NKAIN2: variants seen among roughly 807,000 people sequenced by gnomAD.
NKAIN2 encodes sodium/potassium-transporting ATPase subunit beta-1-interacting protein 2.
Under a neutral mutation model 32.6 loss-of-function variants are expected in NKAIN2, and 14 were observed. That is an observed-to-expected ratio of 0.43 (90% CI 0.28 to 0.67). The LOEUF is 0.67. Among genes scored for constraint, NKAIN2 ranks in the 30% least tolerant of loss-of-function variants. The probability of loss-of-function intolerance (pLI) is 0.17; values close to 1 mark genes in which losing one functional copy is unlikely to be tolerated. For missense variants in NKAIN2, 198 were observed against 258.3 expected, an observed-to-expected ratio of 0.77 and a Z score of 1.60; for synonymous variants, 80 against 87.2, an observed-to-expected ratio of 0.92 and a Z score of 0.46.
At chr6:123,959,925 ATGTGTGTGTGTGTGTGTGTGTGTG>A (rs6149793) in intron 1 of NKAIN2, among the ~76,000 whole-genome samples, 1 of 141,270 alleles carries the variant, frequency 7.1e-6, no homozygotes, top group Non-Finnish European at 1.5e-5. Flanking sequence ...TCTTCCATAT[ATGTGTGTGTGTGTGTGTGTGTGTG>A]TGTGTGTGTG....
At chr6:123,860,533 C>T (rs2114976769) in intron 1 of NKAIN2, among the ~76,000 whole-genome samples, 1 of 152,174 alleles carries the variant, frequency 6.6e-6, no homozygotes, top group East Asian at 1.9e-4. Flanking sequence ...ACCTCAGCCT[C>T]CTGAGTAGCT....
intron 3 of NKAIN2, among the ~76,000 whole-genome samples, chr6:124,608,291 T>C (rs1782569205): frequency 6.6e-6 from 1 of 152,196 alleles, no homozygotes; most frequent in South Asian, 2.1e-4. Context: ...TGACTCCCTC[T>C]GCCTCCAGCA....
At chr6:124,475,827 T>C (rs999993037) in intron 3 of NKAIN2, among the ~76,000 whole-genome samples, 2 of 152,124 alleles carry the variant, frequency 1.3e-5, no homozygotes, top group African/African-American at 4.8e-5. Flanking sequence ...TGAAGATTTT[T>C]GTGAGAGAAC....
chr6:124,139,419 A>C (rs529123472), intron 1 of NKAIN2, among the ~76,000 whole-genome samples: 1 of 152,328 alleles, frequency 6.6e-6, no homozygotes, highest in East Asian at 1.9e-4. Flanking sequence ...GTAAGATAAA[A>C]TAAAATTGGA....
At chr6:124,147,952 C>T (rs1787503792) in intron 1 of NKAIN2, among the ~76,000 whole-genome samples, 1 of 152,048 alleles carries the variant, frequency 6.6e-6, no homozygotes, top group South Asian at 2.1e-4. Flanking sequence ...AGTCCTCATC[C>T]CTGGTCATGG....
At chr6:124,217,703 G>T (rs942387698) in intron 1 of NKAIN2, among the ~76,000 whole-genome samples, 2 of 152,028 alleles carry the variant, frequency 1.3e-5, no homozygotes, top group South Asian at 4.2e-4. Context: ...ACTGAATTTA[G>T]TCTTCCATTT....
rs2325852 is a variant in NKAIN2, at chr6:124,590,920, G to T, written c.274-67266G>T. On this transcript the variant is annotated intron_variant, in intron 3 of 6. Coordinates refer to ENST00000368417, the MANE Select transcript of NKAIN2 (RefSeq NM_001040214.3). ...AGTGGATCAACGGGAAATAAGTAGA[G>T]AATACAATCACTCAAGGGGTACATG... 9.5e-3 allele frequency among the ~76,000 whole-genome samples: 1,447 copies of T among 152,280 alleles called. 12 individuals carry two copies. Among genetic ancestry groups the T allele is most frequent in the Middle Eastern group, 0.017 (5 of 294 alleles).
chr6:124,349,045 T>A (rs1798589189), intron 2 of NKAIN2, among the ~76,000 whole-genome samples: 1 of 151,962 alleles, frequency 6.6e-6, no homozygotes, highest in African/African-American at 2.4e-5. Context: ...TCCTTAGGAG[T>A]GATTCTAACG....
chr6:124,483,236 A>T (rs905820901), intron 3 of NKAIN2, among the ~76,000 whole-genome samples: 1 of 152,204 alleles, frequency 6.6e-6, no homozygotes, highest in Non-Finnish European at 1.5e-5. Flanking sequence ...AGTTCCGATG[A>T]TCATATGACT....
chr6:124,256,505 TAAAGAA>T (rs1793938027), intron 1 of NKAIN2, among the ~76,000 whole-genome samples: 1 of 152,118 alleles, frequency 6.6e-6, no homozygotes, highest in Non-Finnish European at 1.5e-5. Flanking sequence ...TTACCAGAAA[TAAAGAA>T]AAAGAAAACA....
chr6:123,896,026 G>A (rs542316068), intron 1 of NKAIN2, among the ~76,000 whole-genome samples: 209 of 152,210 alleles, frequency 1.4e-3, no homozygotes, highest in Non-Finnish European at 2.7e-3. Context: ...GGTTCATTTC[G>A]CCTGATGTTC....
intron 1 of NKAIN2, among the ~76,000 whole-genome samples, chr6:124,006,298 T>C (rs1223916933): frequency 6.6e-6 from 1 of 152,188 alleles, no homozygotes; most frequent in African/African-American, 2.4e-5. Context: ...AAACTGAGAT[T>C]GAGGTCCCAG....
intron 1 of NKAIN2, among the ~76,000 whole-genome samples, chr6:124,274,656 C>A (rs1014032924): frequency 1.3e-5 from 2 of 152,014 alleles, no homozygotes; most frequent in African/African-American, 4.8e-5. Flanking sequence ...GGTAGATAAT[C>A]CTTGTAAACG....
At chr6:124,414,194 A>G (rs1774355771) in intron 3 of NKAIN2, among the ~76,000 whole-genome samples, 1 of 152,090 alleles carries the variant, frequency 6.6e-6, no homozygotes, top group East Asian at 1.9e-4. Context: ...TATTACATTG[A>G]AGAAGTTTCC....
chr6:124,039,867 T>C (rs1781786295), intron 1 of NKAIN2, among the ~76,000 whole-genome samples: 1 of 152,004 alleles, frequency 6.6e-6, no homozygotes, highest in African/African-American at 2.4e-5. Context: ...AAAATAACTG[T>C]AATAATTAAT....
At chr6:123,842,509 G>A (rs1269067162) in intron 1 of NKAIN2, among the ~76,000 whole-genome samples, 1 of 152,048 alleles carries the variant, frequency 6.6e-6, no homozygotes, top group South Asian at 2.1e-4. Context: ...CTTGTTGGGG[G>A]TTAGGACTTC....
intron 1 of NKAIN2, among the ~76,000 whole-genome samples, chr6:123,836,404 G>T (rs962748818): frequency 2.2e-4 from 33 of 152,204 alleles, no homozygotes; most frequent in African/African-American, 7.9e-4. Context: ...GATATGATGT[G>T]ATGAGAAGTG....
At chr6:124,789,099 C>A (rs1055314953) in intron 4 of NKAIN2, among the ~76,000 whole-genome samples, 1 of 151,984 alleles carries the variant, frequency 6.6e-6, no homozygotes, top group African/African-American at 2.4e-5. Context: ...AACTGGTAAG[C>A]AGAATGCAGT....
At chr6:124,439,996 G>T (rs766312361) in intron 3 of NKAIN2, among the ~76,000 whole-genome samples, 1 of 152,038 alleles carries the variant, frequency 6.6e-6, no homozygotes, top group Non-Finnish European at 1.5e-5. Context: ...TTTGGGTAGA[G>T]AACTATGTCT....
Sources: gnomAD v4.1 joint callset for allele counts (sites outside exome capture counted in the v4.1 genomes callset) on GRCh38, gnomAD v4.1.1 for gene constraint, MANE v1.5 for transcripts, NCBI Gene and HGNC (gene_info 2026-07-23, HGNC 2026-07-21) for gene names.